The following PUDP variants were observed in gnomAD, a reference collection of about 807,000 sequenced individuals.
The protein encoded by PUDP is pseudouridine 5'-phosphatase.
In PUDP, 8 loss-of-function variants were observed where a neutral mutation model predicts 9.4. The ratio of observed to expected loss-of-function variants is 0.85; its 90% CI spans 0.50 to 1.53. PUDP has a LOEUF of 1.53. Among genes scored for constraint, PUDP ranks in the 40% most tolerant of loss-of-function variants. PUDP has a pLI of 0.00. For synonymous variants in PUDP, 99 were observed against 80.7 expected, an observed-to-expected ratio of 1.23 and a Z score of -1.22; for missense variants, 188 against 189.7, an observed-to-expected ratio of 0.99 and a Z score of 0.05.
At position 6,990,953 on chromosome X, in the gene PUDP, G is replaced by A. The variant is rs182857444; in HGVS notation, c.205-12610C>T. Among the ~76,000 whole-genome samples, 200 of 112,498 alleles carry A rather than the reference G, an allele frequency of 1.8e-3. 1 individual carries two copies. The highest frequency in any genetic ancestry group is 0.014 in the Middle Eastern group (3 of 216). ...AGATGGAAAGTGCCTACTGGCGGGT[G>A]TTTTGCCTCTCTGCACGGGCACAAG... On this transcript the variant is annotated intron_variant and NMD_transcript_variant, in intron 1 of 3. Coordinates refer to the PUDP transcript ENST00000655425.
At chrX:7,021,478 A>C (rs1250567245) in intron 1 of PUDP, among the ~76,000 whole-genome samples, 1 of 111,976 alleles carries the variant, frequency 8.9e-6, no homozygotes. Context: ...ACACTGCCAG[A>C]GAAGATGTGC....
At chrX:6,764,326 A>G (rs1198774245) in intron 3 of PUDP, among the ~76,000 whole-genome samples, 1 of 112,024 alleles carries the variant, frequency 8.9e-6, no homozygotes. Context: ...GAAATGGAAT[A>G]TCAGAAACAA....
intron 3 of PUDP, among the ~76,000 whole-genome samples, chrX:6,772,350 C>T (rs1390434776): frequency 1.8e-5 from 2 of 110,936 alleles, no homozygotes; most frequent in Non-Finnish European, 3.8e-5. Context: ...GAGTCTTCAG[C>T]AGACGTGAAA....
intron 3 of PUDP, among the ~76,000 whole-genome samples, chrX:6,885,936 T>A (rs1329711945): frequency 8.9e-6 from 1 of 112,504 alleles, no homozygotes; most frequent in East Asian, 2.8e-4. Context: ...ATGGAGTGGC[T>A]TTTTATAATG....
chrX:6,772,180 C>T lies in PUDP; in HGVS notation c.*248-65714G>A, dbSNP rs968021348. ...GCTTTTGTCTCCTCATTTATTAGCA[C>T]AATTTGCTTGTGAATCACTTGTTTT... On this transcript the variant is annotated intron_variant and NMD_transcript_variant, in intron 3 of 3. Coordinates refer to the PUDP transcript ENST00000655425. 2.7e-5 allele frequency among the ~76,000 whole-genome samples: 3 copies of T among 112,345 alleles called. No homozygotes were observed. The Admixed American group carries it at 2.8e-4, about 11-fold the overall frequency.
chrX:6,864,036 C>G (rs1927042732), intron 3 of PUDP, among the ~76,000 whole-genome samples: 1 of 111,198 alleles, frequency 9.0e-6, no homozygotes, highest in Non-Finnish European at 1.9e-5. Context: ...GTTCTAAGAG[C>G]CCATAGCCAC....
intron 1 of PUDP, among the ~76,000 whole-genome samples, chrX:7,114,930 G>A (rs1374735021): frequency 1.8e-5 from 2 of 111,688 alleles, no homozygotes; most frequent in Non-Finnish European, 3.8e-5. Context: ...ATTTCCTTCT[G>A]TCACCCCCAA....
At chrX:6,816,477 A>G (rs973010322) in intron 3 of PUDP, among the ~76,000 whole-genome samples, 9 of 103,168 alleles carry the variant, frequency 8.7e-5, no homozygotes, top group African/African-American at 2.8e-4. Context: ...ACTATACTAT[A>G]TGGTATACTA....
intron 3 of PUDP, among the ~76,000 whole-genome samples, chrX:6,966,914 T>G (rs1249212751): frequency 1.8e-5 from 2 of 111,685 alleles, no homozygotes; most frequent in African/African-American, 6.5e-5. Flanking sequence ...GGTTCCCTGA[T>G]GGTGGCCTCA....
intron 3 of PUDP, among the ~76,000 whole-genome samples, chrX:6,957,116 T>C (rs904065964): frequency 5.4e-5 from 6 of 112,108 alleles, no homozygotes; most frequent in Non-Finnish European, 1.1e-4. Context: ...TGTTGTGCCT[T>C]ATCCCAAATA....
chrX:6,824,014 G>A (rs926969984), intron 3 of PUDP, among the ~76,000 whole-genome samples: 18 of 112,147 alleles, frequency 1.6e-4, no homozygotes, highest in African/African-American at 5.8e-4. Context: ...TATCAGCAAG[G>A]ACTTTACGAC....
intron 1 of PUDP, among the ~76,000 whole-genome samples, chrX:7,110,399 C>G (rs1293741099): frequency 3.6e-5 from 4 of 112,375 alleles, no homozygotes; most frequent in Non-Finnish European, 7.5e-5. Flanking sequence ...GGGTTTCTCC[C>G]CAACTGCTCT....
At chrX:7,098,708 C>A (rs1304989185) in intron 2 of PUDP, among the ~76,000 whole-genome samples, 3 of 111,352 alleles carry the variant, frequency 2.7e-5, no homozygotes, top group African/African-American at 9.8e-5. Flanking sequence ...CTAAGGGGAG[C>A]TCTGGCACCC....
At position 6,763,059 on chromosome X, in the gene PUDP, T is replaced by G. The variant is rs60553052; in HGVS notation, c.*248-56593A>C. On this transcript the variant is annotated intron_variant and NMD_transcript_variant, in intron 3 of 3. Coordinates refer to the PUDP transcript ENST00000655425. ...CCTGCCCATGAGCTAAATATGGCTT[T>G]TACATGTTGAAATAGCTTTTAAAAA... Among the ~76,000 whole-genome samples, 652 of 112,547 alleles carry G rather than the reference T, an allele frequency of 5.8e-3. 3 individuals are homozygous for G. The highest frequency in any genetic ancestry group is 0.02 in the African/African-American group (612 of 31,011).
At chrX:6,896,101 AT>A (rs1378519235) in intron 3 of PUDP, among the ~76,000 whole-genome samples, 1 of 112,074 alleles carries the variant, frequency 8.9e-6, no homozygotes, top group Non-Finnish European at 1.9e-5. Flanking sequence ...TCATTAGTGG[AT>A]TTGTGAAATC....
chrX:6,720,258 G>GTGTATATATATATATA lies in PUDP; in HGVS notation n.128+1158_128+1159insTATATATATATATACA, dbSNP rs1555907522. On this transcript the variant is annotated intron_variant and non_coding_transcript_variant, in intron 1 of 2. Transcript: ENST00000438499. ...TGTATATATGTATGTGTGTGTGTGTGTATATATATATATATATATATATAT... is the reference window on the plus strand; with the variant it reads ...TGTATATATGTATGTGTGTGTGTGTGTGTATATATATATATATATATATATATATATATATATATAT... 1.0e-3 allele frequency among the ~76,000 whole-genome samples: 49 copies of GTGTATATATATATATA among 48,781 alleles called. 1 individual carries two copies. The highest frequency in any genetic ancestry group is 6.4e-3 in the East Asian group (10 of 1,566). The allele number at this position is 48,781 out of a possible 115,157, so 42.4% of individuals were successfully genotyped here. A position where few individuals can be genotyped will look rare whatever the true frequency, so the allele number is the denominator to read the frequency against.
chrX:6,709,306 T>C (rs1924504544), intron 1 of PUDP, among the ~76,000 whole-genome samples: 1 of 111,794 alleles, frequency 8.9e-6, no homozygotes, highest in Non-Finnish European at 1.9e-5. Context: ...TGTGCTCTGA[T>C]CACACTTCTG....
intron 3 of PUDP, among the ~76,000 whole-genome samples, chrX:6,836,899 T>A (rs1926591226): frequency 1.8e-5 from 2 of 112,059 alleles, no homozygotes; most frequent in South Asian, 7.5e-4. Flanking sequence ...AGAGAAGACA[T>A]GAAAGCCCAA....
intron 1 of PUDP, among the ~76,000 whole-genome samples, chrX:7,005,632 A>G (rs1055428726): frequency 1.8e-5 from 2 of 110,402 alleles, no homozygotes; most frequent in African/African-American, 6.6e-5. Flanking sequence ...CTGGTCTCGA[A>G]CTCCTGAACT....
Sources: allele counts gnomAD v4.1 joint callset (sites outside exome capture counted in the v4.1 genomes callset), GRCh38; gene constraint gnomAD v4.1.1; transcripts MANE v1.5; gene names NCBI Gene and HGNC (gene_info 2026-07-23, HGNC 2026-07-21).